Variants in ETV6 observed in about 807,000 individuals in gnomAD.
ETV6 encodes the protein ETS variant transcription factor 6.
A neutral mutation model predicts 51.1 loss-of-function variants in ETV6; 16 were observed. The ratio of observed to expected loss-of-function variants is 0.31; its 90% confidence interval spans 0.21 to 0.48. ETV6 has a LOEUF of 0.48. ETV6 is among the 20% of genes least tolerant of loss of function. The pLI, the probability that ETV6 is intolerant of heterozygous loss-of-function variation, is 0.99. For synonymous variants in ETV6, 240 were observed against 224.1 expected, an observed-to-expected ratio of 1.07 and a Z score of -0.64; for missense variants, 458 against 594.8, an observed-to-expected ratio of 0.77 and a Z score of 2.39.
intron 2 of ETV6, among the ~76,000 whole-genome samples, chr12:11,829,032 C>A (rs1051542254): frequency 6.6e-6 from 1 of 152,080 alleles, no homozygotes; most frequent in Non-Finnish European, 1.5e-5. Flanking sequence ...CTCCCTGATC[C>A]AGGCTGTTTT....
At chr12:11,734,997 C>T (rs549083099) in intron 1 of ETV6, among the ~76,000 whole-genome samples, 1 of 151,012 alleles carries the variant, frequency 6.6e-6, no homozygotes, top group Admixed American at 6.6e-5. Flanking sequence ...ACTTGAAAGG[C>T]TCTGTTCTTC....
At chr12:11,789,295 G>C (rs1945543741) in intron 2 of ETV6, among the ~76,000 whole-genome samples, 1 of 152,118 alleles carries the variant, frequency 6.6e-6, no homozygotes, top group Non-Finnish European at 1.5e-5. Flanking sequence ...GCCTCCCAAA[G>C]TGCTGGGATT....
rs1056486679 is a variant in ETV6 at position 11,649,971 on chromosome 12, C to G, written c.-157C>G. ...CTCCGCCGGCCGCCCCGCCCCGCCC[C>G]GCGCGCTCCAGACCCCCGGGGCGGC... On this transcript the variant is annotated 5_prime_UTR_variant, in exon 1 of 8. Coordinates refer to ENST00000396373, the MANE Select transcript of ETV6 (RefSeq NM_001987.5). 1.2e-4 allele frequency: 65 copies of G among 532,362 alleles called. No homozygotes were observed. The highest frequency in any genetic ancestry group is 1.8e-4 in the Non-Finnish European group (56 of 316,290). 33.0% of individuals were successfully genotyped at this position (532,362 alleles called of 1,614,324 possible). A position where few individuals can be genotyped will look rare whatever the true frequency, so the allele number is the denominator to read the frequency against.
At chr12:11,853,379 G>A in intron 3 of ETV6, 48 bp from the exon 4 acceptor site, 1 of 1,612,130 alleles carries the variant, frequency 6.2e-7, no homozygotes, top group Non-Finnish European at 8.5e-7. Flanking sequence ...ATCGTTGTTG[G>A]AAAAACATCT....
intron 7 of ETV6, 41 bp from the exon 8 acceptor site, chr12:11,890,900 G>C (rs890294021): frequency 1.3e-6 from 2 of 1,500,676 alleles, no homozygotes; most frequent in Non-Finnish European, 1.9e-6. Flanking sequence ...ACAGCTTTAG[G>C]AAAATGGAAT....
intron 1 of ETV6, among the ~76,000 whole-genome samples, chr12:11,691,976 T>C (rs1199421447): frequency 6.6e-6 from 1 of 152,226 alleles, no homozygotes; most frequent in Non-Finnish European, 1.5e-5. Context: ...TGTGAAGAAG[T>C]AGCATGTAGA....
At chr12:11,654,778 G>T (rs1177435017) in intron 1 of ETV6, among the ~76,000 whole-genome samples, 2 of 152,106 alleles carry the variant, frequency 1.3e-5, no homozygotes, top group African/African-American at 4.8e-5. Flanking sequence ...TGGGCTGAAG[G>T]CCCCCTATCT....
chr12:11,662,302 A>G (rs1488045840), intron 1 of ETV6, among the ~76,000 whole-genome samples: 1 of 152,252 alleles, frequency 6.6e-6, no homozygotes, highest in Non-Finnish European at 1.5e-5. Flanking sequence ...TAGGTGAGCC[A>G]GCAGGTCCCA....
intron 1 of ETV6, among the ~76,000 whole-genome samples, chr12:11,718,379 G>A (rs78241754): frequency 0.052 from 7,975 of 152,218 alleles, 297 homozygotes; most frequent in Non-Finnish European, 0.077. Flanking sequence ...GACTGGCTAG[G>A]TAACTACTGG....
chr12:11,651,653 A>G (rs1006954420), intron 1 of ETV6, among the ~76,000 whole-genome samples: 4 of 152,214 alleles, frequency 2.6e-5, no homozygotes, highest in African/African-American at 9.7e-5. Context: ...CTTTTGCGGT[A>G]TAAATTAGAT....
chr12:11,693,490 G>A (rs1014207979), intron 1 of ETV6, among the ~76,000 whole-genome samples: 2 of 152,210 alleles, frequency 1.3e-5, no homozygotes, highest in South Asian at 4.1e-4. Context: ...TAAGAGGACA[G>A]GCCTGACCTT....
intron 3 of ETV6, among the ~76,000 whole-genome samples, chr12:11,849,457 T>A (rs1327520797): frequency 6.6e-6 from 1 of 152,038 alleles, no homozygotes; most frequent in African/African-American, 2.4e-5. Flanking sequence ...CTCCTCCATA[T>A]ATGAAAATTG....
At chr12:11,887,825 T>G (rs1396996353) in intron 7 of ETV6, among the ~76,000 whole-genome samples, 1 of 152,154 alleles carries the variant, frequency 6.6e-6, no homozygotes, top group African/African-American at 2.4e-5. Flanking sequence ...TCACTGCTGT[T>G]TGAAGCAGCC....
At position 11,894,171 on chromosome 12, in the gene ETV6, T is replaced by C. The variant is rs1947354342; in HGVS notation, c.*3125T>C. On this transcript the variant is annotated 3_prime_UTR_variant, in exon 8 of 8. Coordinates refer to ENST00000396373, the MANE Select transcript of ETV6 (RefSeq NM_001987.5). The stretch of plus-strand genomic sequence containing the variant: ...ATAATCCCTGCTTTCAGAGTTTATA[T>C]TGTACCTGCCTAATCCACCCGGCGT... 1 of 231,646 alleles carries C rather than the reference T, an allele frequency of 4.3e-6. No homozygotes were observed. 14.3% of individuals were successfully genotyped at this position (231,646 alleles called of 1,614,324 possible). A position where few individuals can be genotyped will look rare whatever the true frequency, so the allele number is the denominator to read the frequency against.
intron 2 of ETV6, among the ~76,000 whole-genome samples, chr12:11,754,925 T>G (rs1043563896): frequency 7.2e-5 from 11 of 152,262 alleles, no homozygotes; most frequent in South Asian, 4.1e-4. Context: ...TATCTCCATG[T>G]CACACATAAG....
At chr12:11,701,821 AAGAAGAG>A (rs1215441207) in intron 1 of ETV6, among the ~76,000 whole-genome samples, 1 of 152,198 alleles carries the variant, frequency 6.6e-6, no homozygotes, top group Non-Finnish European at 1.5e-5. Context: ...AGGGAGAGGT[AAGAAGAG>A]TTCAAAGGAG....
At chr12:11,652,462 C>T (rs1413663596) in intron 1 of ETV6, among the ~76,000 whole-genome samples, 1 of 152,174 alleles carries the variant, frequency 6.6e-6, no homozygotes, top group African/African-American at 2.4e-5. Flanking sequence ...TTGCTTGCTT[C>T]TAGAGTCCAG....
intron 2 of ETV6, among the ~76,000 whole-genome samples, chr12:11,815,006 G>T (rs1272853760): frequency 1.3e-5 from 2 of 152,152 alleles, no homozygotes; most frequent in African/African-American, 4.8e-5. Flanking sequence ...AAAGGAGAAG[G>T]AAACAGAGGC....
chr12:11,725,277 C>G (rs999622294), intron 1 of ETV6, among the ~76,000 whole-genome samples: 1 of 150,438 alleles, frequency 6.6e-6, no homozygotes, highest in African/African-American at 2.4e-5. Flanking sequence ...TAAGAAAATT[C>G]TTTTGTGCAG....
Sources: allele counts gnomAD v4.1 joint callset (sites outside exome capture counted in the v4.1 genomes callset), GRCh38; gene constraint gnomAD v4.1.1; transcripts MANE v1.5; gene names NCBI Gene and HGNC (gene_info 2026-07-23, HGNC 2026-07-21).